Variants in HOXA10 observed in about 807,000 individuals in gnomAD.
The protein encoded by HOXA10 is homeobox protein Hox-A10.
In HOXA10, 12 loss-of-function variants were observed where a neutral mutation model predicts 29.7. That is an observed-to-expected ratio of 0.40 (90% CI 0.26 to 0.65). The LOEUF is 0.65. Among genes scored for constraint, HOXA10 ranks in the 30% least tolerant of loss-of-function variants. The probability of loss-of-function intolerance (pLI) is 0.37; values close to 1 mark genes in which losing one functional copy is unlikely to be tolerated. For missense variants in HOXA10, 656 were observed against 585.9 expected, an observed-to-expected ratio of 1.12 and a Z score of -1.24; for synonymous variants, 327 against 280.7, an observed-to-expected ratio of 1.16 and a Z score of -1.65.
Position 27,174,185 on chromosome 7 carries a change from T to A in HOXA10, c.122A>T (p.Glu41Val). 1 of 1,599,562 alleles carries A rather than the reference T, an allele frequency of 6.3e-7. No homozygotes were observed. Among genetic ancestry groups the A allele is most frequent in the Non-Finnish European group, 8.5e-7 (1 of 1,179,608 alleles). ...VDSLISSGRG[E>V]AGGGGGGAGG... ...CGCGCCACCACCACCGCCGCCTGCC[T>A]CGCCTCTGCCCGAGCTGATGAGCGA... Residue 41 changes from glutamate (E) to valine (V), a missense_variant, in exon 1 of 2, where the codon GAG becomes GTG. Transcript: ENST00000283921.
chr7:27,176,210 A>G (rs1346227900), upstream of HOXA10, among the ~76,000 whole-genome samples: 2 of 152,228 alleles, frequency 1.3e-5, no homozygotes, highest in Non-Finnish European at 2.9e-5. Flanking sequence ...AGAGAGAATA[A>G]GAAAGCCAGT....
rs1783491979 is a variant in HOXA10, at chr7:27,171,628, G to T, written c.*271C>A. ...AGCAAACCCAGCCCAGTCAGGACTTGACACTTAGGACAATATCTATCTCTA... is the reference window on the plus strand; with the variant it reads ...AGCAAACCCAGCCCAGTCAGGACTTTACACTTAGGACAATATCTATCTCTA... On this transcript the variant is annotated 3_prime_UTR_variant, in exon 2 of 2. Transcript: ENST00000283921. 4 of 595,100 alleles carry T rather than the reference G, an allele frequency of 6.7e-6. No homozygotes were observed. In the East Asian group the frequency reaches 1.4e-4, roughly 22 times the overall value. 36.9% of individuals were successfully genotyped at this position (595,100 alleles called of 1,614,324 possible). A position where few individuals can be genotyped will look rare whatever the true frequency, so the allele number is the denominator to read the frequency against.
In HOXA10 at chr7:27,171,660, T is replaced by G; in HGVS notation, c.*239A>C. 1.5e-6 allele frequency: 1 copy of G among 671,992 alleles called. No individual in the cohort carries two copies. Among genetic ancestry groups the G allele is most frequent in the Non-Finnish European group, 2.7e-6 (1 of 367,306 alleles). The allele number at this position is 671,992 out of a possible 1,614,324, so 41.6% of individuals were successfully genotyped here. The stretch of plus-strand genomic sequence containing the variant: ...AGGACAATATCTATCTCTATAGAAT[T>G]TTAGCATGATATGGCTTTTTCCCCC... On this transcript the variant is annotated 3_prime_UTR_variant, in exon 2 of 2. Transcript: ENST00000283921.
At chr7:27,177,745 C>T (rs536267604), upstream of HOXA10, among the ~76,000 whole-genome samples, 1 of 152,306 alleles carries the variant, frequency 6.6e-6, no homozygotes, top group East Asian at 1.9e-4. Context: ...CCCTCGTGCT[C>T]ATTTGCCTTC....
rs1465163695 is a variant in HOXA10 at position 27,170,873 on chromosome 7, G to C, written c.*1026C>G. On this transcript the variant is annotated 3_prime_UTR_variant, in exon 2 of 2. Coordinates refer to ENST00000283921, the MANE Select transcript of HOXA10 (RefSeq NM_018951.4). ...TATGCATGTAACTTCACAGTATAAA[G>C]GAAATCCAAACAATGTCTCCCTTCT... 6.6e-6 allele frequency: 3 copies of C among 454,200 alleles called. No homozygotes were observed. The highest frequency in any genetic ancestry group is 2.0e-5 in the African/African-American group (1 of 49,912). The allele number at this position is 454,200 out of a possible 1,614,324, so 28.1% of individuals were successfully genotyped here. A position where few individuals can be genotyped will look rare whatever the true frequency, so the allele number is the denominator to read the frequency against.
Position 27,174,314 on chromosome 7 carries a change from G to A in HOXA10, c.-8C>T. 1 of 1,597,858 alleles carries A rather than the reference G, an allele frequency of 6.3e-7. No individual in the cohort carries two copies. The highest frequency in any genetic ancestry group is 8.5e-7 in the Non-Finnish European group (1 of 1,179,720). ...GCCCTTTCTGGCTGACATTTCTTGT[G>A]CAAAACATGCTGAATACGATTAGCA... On this transcript the variant is annotated 5_prime_UTR_variant, in exon 1 of 2. Coordinates refer to ENST00000283921, the MANE Select transcript of HOXA10 (RefSeq NM_018951.4).
At position 27,173,742 on chromosome 7, in the gene HOXA10, C is replaced by A. The variant is rs1783578017; in HGVS notation, c.565G>T (p.Ala189Ser). The A allele has an allele frequency of 6.3e-7, 1 of 1,599,148 alleles. No homozygotes were observed. The highest frequency in any genetic ancestry group is 8.5e-7 in the Non-Finnish European group (1 of 1,173,446). The change falls in exon 1 of 2, where the codon GCT becomes TCT. Residue 189 changes from alanine to serine, a missense_variant. This residue lies in a region of HOXA10 where 594 missense variants were observed against 491.9 expected (regional missense o/e 1.21). Transcript: ENST00000283921. ...PKVSATAAEL[A>S]PFPRGPPPDG... ...GGCGGCGGGCCCCGCGGGAAGGGAG[C>A]CAGTTCGGCGGCGGTGGCCGAGACT...
At position 27,173,536 on chromosome 7, in the gene HOXA10, G is replaced by C; in HGVS notation, c.771C>G (p.Ala257=). The change falls in exon 1 of 2, where the codon GCC becomes GCG. Residue 257 remains alanine, a synonymous_variant. Transcript: ENST00000283921. ...TCCGGGCCGCATCGGCCGAGCCGGA[G>C]GCTAGCGCGGGCGGGAGATCGAAAC... The part of the protein sequence containing the change: ...GRGFDLPPAL[A]SGSADAARKE... The C allele has an allele frequency of 6.9e-7, 1 of 1,454,436 alleles. No homozygotes were observed. The highest frequency in any genetic ancestry group is 9.0e-7 in the Non-Finnish European group (1 of 1,112,296). 90.1% of individuals were successfully genotyped at this position (1,454,436 alleles called of 1,614,324 possible). A position where few individuals can be genotyped will look rare whatever the true frequency, so the allele number is the denominator to read the frequency against.
chr7:27,177,714 C>T (rs941518219), upstream of HOXA10, among the ~76,000 whole-genome samples: 6 of 152,158 alleles, frequency 3.9e-5, no homozygotes, highest in South Asian at 2.1e-4. Flanking sequence ...TAGTGTGGGT[C>T]GGCTTCCAAG....
At position 27,172,087 on chromosome 7, in the gene HOXA10, G is replaced by C; in HGVS notation, c.1045C>G (p.Leu349Val). The change falls in exon 2 of 2, where the codon CTG (leucine) becomes GTG (valine). Residue 349 changes from leucine (L) to valine (V), a missense_variant. Leu to Val is a conservative substitution (Grantham distance 32). Coordinates refer to ENST00000283921, the MANE Select transcript of HOXA10 (RefSeq NM_018951.4). Reference protein sequence around the residue: ...KRCPYTKHQTLELEKEFLFNM... With the variant: ...KRCPYTKHQTVELEKEFLFNM... The stretch of plus-strand genomic sequence containing the variant: ...AACAGAAACTCCTTCTCCAGCTCCA[G>C]TGTCTGGTGCTTCGTGTAGGGGCAG... 6.2e-7 allele frequency: 1 copy of C among 1,614,192 alleles called. No homozygotes were observed. The highest frequency in any genetic ancestry group is 8.5e-7 in the Non-Finnish European group (1 of 1,180,024).
rs1783478556 is a variant in HOXA10, at chr7:27,171,353, C to T, written c.*546G>A. 2.2e-6 allele frequency: 1 copy of T among 454,392 alleles called. No individual in the cohort carries two copies. The highest frequency in any genetic ancestry group is 1.6e-5 in the South Asian group (1 of 64,486). 28.1% of individuals were successfully genotyped at this position (454,392 alleles called of 1,614,324 possible). ...CAACCTGCATGTCCATGCCTGTAAG[C>T]CCTTCTCTTGGCCAAGGAAGAAAGG... On this transcript the variant is annotated 3_prime_UTR_variant, in exon 2 of 2. Transcript: ENST00000283921.
In HOXA10 at chr7:27,174,240, T is replaced by C; in HGVS notation, c.67A>G (p.Ser23Gly). ...NYPTTMSCSE[S>G]PAANSFLVDS... ...ACCAAAAAAGAGTTCGCGGCGGGGC[T>C]CTCCGAGCATGACATTGTTGTGGGA... Residue 23 changes from serine (S) to glycine (G), a missense_variant, in exon 1 of 2, where the codon AGC becomes GGC. Ser to Gly is a moderately conservative substitution (Grantham distance 56, BLOSUM62 0). Transcript: ENST00000283921. The C allele has an allele frequency of 1.3e-6, 2 of 1,599,464 alleles. No individual in the cohort carries two copies. The highest frequency in any genetic ancestry group is 1.7e-6 in the Non-Finnish European group (2 of 1,179,824).
upstream of HOXA10, chr7:27,174,353 G>A (rs1783606920): frequency 4.4e-6 from 7 of 1,588,748 alleles, no homozygotes; most frequent in East Asian, 2.2e-5. Flanking sequence ...CCCCCGCACC[G>A]CGGCGGGCGC....
At position 27,172,028 on chromosome 7, in the gene HOXA10, C is replaced by T. The variant is rs985467155; in HGVS notation, c.1104G>A (p.Glu368=). 3.1e-6 allele frequency: 5 copies of T among 1,613,898 alleles called. No individual in the cohort carries two copies. Among genetic ancestry groups the T allele is most frequent in the Non-Finnish European group, 4.2e-6 (5 of 1,179,960 alleles). The change falls in exon 2 of 2, where the codon GAG becomes GAA. Residue 368 remains glutamate (E), a synonymous_variant. Coordinates refer to ENST00000283921, the MANE Select transcript of HOXA10 (RefSeq NM_018951.4). ...CCGTGAGGTGGACGCTGCGGCTAAT[C>T]TCTAGGCGCCGCTCTCGAGTAAGGT... The part of the protein sequence containing the change: ...NMYLTRERRL[E]ISRSVHLTDR...
chr7:27,179,247 C>T (rs534473308), upstream of HOXA10, among the ~76,000 whole-genome samples: 132 of 152,122 alleles, frequency 8.7e-4, 2 homozygotes, highest in African/African-American at 2.9e-3. Flanking sequence ...GCCTTAGCGG[C>T]CGCAGACTTC....
chr7:27,176,455 T>C (rs1381576647), upstream of HOXA10, among the ~76,000 whole-genome samples: 2 of 152,250 alleles, frequency 1.3e-5, no homozygotes, highest in Non-Finnish European at 2.9e-5. Context: ...GCCTGGTCCT[T>C]ACCCTGCTCA....
chr7:27,179,692 G>A (rs751652837), exon 1 of HOXA10: 5 of 775,870 alleles, frequency 6.4e-6, no homozygotes, highest in South Asian at 1.4e-5. Context: ...TGGCTTCTCC[G>A]CGCGGCGACG....
intron 1 of HOXA10, chr7:27,179,561 C>T: frequency 2.7e-6 from 2 of 735,806 alleles, no homozygotes; most frequent in South Asian, 2.9e-5. Flanking sequence ...AACCCAGCCA[C>T]GTTCCCGAGA....
chr7:27,173,461 G>C lies in HOXA10; in HGVS notation c.846C>G (p.Ser282Arg). The C allele has an allele frequency of 6.4e-7, 1 of 1,571,838 alleles. No homozygotes were observed. The highest frequency in any genetic ancestry group is 8.6e-7 in the Non-Finnish European group (1 of 1,163,770). The change falls in exon 1 of 2, where the codon AGC becomes AGG. Residue 282 changes from serine (S) to arginine (R), a missense_variant. Ser to Arg is a moderately radical substitution (Grantham distance 110). Transcript: ENST00000283921. ...CCTCGTCGCCCTGCGAGCCCCCGCCGCTGCCGCAAGCCAGCGTGGGGGGCG... is the reference window on the plus strand; with the variant it reads ...CCTCGTCGCCCTGCGAGCCCCCGCCCCTGCCGCAAGCCAGCGTGGGGGGCG... ...SPPPPTLACG[S>R]GGGSQGDEEA...
Sources: allele counts gnomAD v4.1 joint callset (sites outside exome capture counted in the v4.1 genomes callset), GRCh38; gene constraint gnomAD v4.1.1; regional missense constraint gnomAD v4.1.1; transcripts MANE v1.5; gene names NCBI Gene and HGNC (gene_info 2026-07-23, HGNC 2026-07-21).